ZNF544: variants seen among roughly 807,000 people sequenced by gnomAD.
The protein encoded by ZNF544 is zinc finger protein 544.
A neutral mutation model predicts 13.5 loss-of-function variants in ZNF544; 10 were observed. That is an observed-to-expected ratio of 0.74 (90% CI 0.46 to 1.25). The LOEUF is 1.25. Ranked by LOEUF, ZNF544 falls within the 50% of genes most tolerant of loss-of-function variation. The pLI, the probability that ZNF544 is intolerant of heterozygous loss-of-function variation, is 0.00. For synonymous variants in ZNF544, 323 were observed against 300.5 expected, an observed-to-expected ratio of 1.07 and a Z score of -0.77; for missense variants, 896 against 845.6, an observed-to-expected ratio of 1.06 and a Z score of -0.74.
intron 6 of ZNF544, among the ~76,000 whole-genome samples, chr19:58,253,914 C>G (rs1291340336): frequency 6.6e-6 from 1 of 151,928 alleles, no homozygotes; most frequent in Non-Finnish European, 1.5e-5. Flanking sequence ...TTTCATTTTA[C>G]CAATAATTTT....
intron 5 of ZNF544, among the ~76,000 whole-genome samples, chr19:58,270,306 T>G (rs1027870676): frequency 1.3e-5 from 2 of 150,592 alleles, no homozygotes; most frequent in Admixed American, 6.6e-5. Context: ...GGTATTGGCT[T>G]TTTTTTTCTT....
intron 5 of ZNF544, among the ~76,000 whole-genome samples, chr19:58,275,488 T>C (rs2051141753): frequency 6.6e-6 from 1 of 151,632 alleles, no homozygotes; most frequent in Admixed American, 6.6e-5. Flanking sequence ...AACTCCTACC[T>C]TATAATCAAG....
At chr19:58,241,162 A>AATATATATATATATATATTTAAATAT (rs2043605196) in intron 3 of ZNF544, among the ~76,000 whole-genome samples, 1 of 89,312 alleles carries the variant, frequency 1.1e-5, no homozygotes, top group Non-Finnish European at 2.0e-5. Context: ...TATATATTTA[A>AATATATATATATATATATTTAAATAT]ATATATATAT....
intron 3 of ZNF544, among the ~76,000 whole-genome samples, chr19:58,239,885 C>G (rs2043192930): frequency 7.1e-6 from 1 of 141,286 alleles, no homozygotes; most frequent in African/African-American, 2.7e-5. Flanking sequence ...GGCAACAGAG[C>G]AAGACTCCAT....
chr19:58,241,903 A>C (rs1382634870), intron 3 of ZNF544, among the ~76,000 whole-genome samples: 1 of 148,572 alleles, frequency 6.7e-6, no homozygotes, highest in African/African-American at 2.5e-5. Context: ...CTGTTTCAGC[A>C]CTGAATTTGC....
intron 6 of ZNF544, chr19:58,257,649 C>T (rs1473387514): frequency 6.6e-6 from 1 of 152,166 alleles, no homozygotes; most frequent in Non-Finnish European, 1.5e-5. Flanking sequence ...TTAGGGTTTT[C>T]CTTTTGATTC....
At chr19:58,231,397 T>A (rs1289282623) in intron 3 of ZNF544, among the ~76,000 whole-genome samples, 1 of 152,160 alleles carries the variant, frequency 6.6e-6, no homozygotes, top group East Asian at 1.9e-4. Context: ...TTTGTGGGGT[T>A]ACAAGGAAGA....
At chr19:58,270,716 C>T (rs1395009715) in intron 5 of ZNF544, among the ~76,000 whole-genome samples, 1 of 152,190 alleles carries the variant, frequency 6.6e-6, no homozygotes, top group East Asian at 1.9e-4. Flanking sequence ...TCAGCCCCAC[C>T]TGCAGATGTG....
intron 5 of ZNF544, 27 bp from the exon 6 acceptor site, chr19:58,246,684 G>A (rs775685944): frequency 2.5e-6 from 4 of 1,612,120 alleles, no homozygotes; most frequent in Non-Finnish European, 2.5e-6. Flanking sequence ...AAGCAGAGGG[G>A]CAAGTCCTTT....
chr19:58,237,461 T>C (rs1027223125), intron 3 of ZNF544, among the ~76,000 whole-genome samples: 4 of 152,210 alleles, frequency 2.6e-5, no homozygotes, highest in Non-Finnish European at 5.9e-5. Flanking sequence ...CCTGGCAGCC[T>C]CTGCGAGTGC....
intron 6 of ZNF544, among the ~76,000 whole-genome samples, chr19:58,253,164 C>T (rs2046590764): frequency 6.6e-6 from 1 of 152,166 alleles, no homozygotes; most frequent in African/African-American, 2.4e-5. Context: ...CAATGAACAT[C>T]AAAAACAATT....
At chr19:58,245,521 C>T (rs1443820684) in intron 4 of ZNF544, among the ~76,000 whole-genome samples, 1 of 151,420 alleles carries the variant, frequency 6.6e-6, no homozygotes, top group African/African-American at 2.4e-5. Context: ...AGGCTGGTCT[C>T]GAACTCCTGA....
rs986441230 is a variant in ZNF544, at chr19:58,261,894, C to T, written c.1288C>T (p.His430Tyr). The T allele has an allele frequency of 6.2e-7, 1 of 1,612,400 alleles. No individual in the cohort carries two copies. Among genetic ancestry groups the T allele is most frequent in the Non-Finnish European group, 8.5e-7 (1 of 1,179,736 alleles). ...RSKLITHQRI[H>Y]TGEKPYQCIE... The stretch of plus-strand genomic sequence containing the variant: ...CAAACTTATTACACATCAGCGAATT[C>T]ACACTGGAGAAAAACCGTATCAGTG... The change falls in exon 7 of 7, where the codon CAC becomes TAC. Residue 430 changes from histidine (H) to tyrosine (Y), a missense_variant. By Grantham distance (83) the His-to-Tyr change is moderately conservative (BLOSUM62 2). Coordinates refer to ENST00000687789, the MANE Select transcript of ZNF544 (RefSeq NM_014480.4).
intron 3 of ZNF544, among the ~76,000 whole-genome samples, chr19:58,230,940 C>A (rs543264550): frequency 6.6e-6 from 1 of 151,980 alleles, no homozygotes; most frequent in Admixed American, 6.6e-5. Context: ...ATTAAAAGGC[C>A]GATTTGTCTG....
intron 3 of ZNF544, among the ~76,000 whole-genome samples, chr19:58,232,405 G>A (rs1277173212): frequency 7.3e-6 from 1 of 136,742 alleles, no homozygotes; most frequent in Admixed American, 8.1e-5. Flanking sequence ...AGACTGGAGT[G>A]CAGTGATGCC....
chr19:58,242,353 T>C (rs2044071965), intron 3 of ZNF544: 3 of 889,304 alleles, frequency 3.4e-6, no homozygotes, highest in South Asian at 1.0e-4. Flanking sequence ...GCAAGATTTC[T>C]GCAATTCATG....
chr19:58,253,042 T>C (rs2046560792), intron 6 of ZNF544, among the ~76,000 whole-genome samples: 2 of 152,188 alleles, frequency 1.3e-5, no homozygotes, highest in Admixed American at 6.5e-5. Context: ...ATGGGCTCGA[T>C]TTCCTGACCT....
chr19:58,251,341 T>C (rs368981395), intron 6 of ZNF544: 31 of 518,910 alleles, frequency 6.0e-5, no homozygotes, highest in Admixed American at 1.6e-4. Flanking sequence ...ACAGGTGTAG[T>C]GGCTGATGGG....
intron 5 of ZNF544, among the ~76,000 whole-genome samples, chr19:58,270,340 T>G (rs1343719498): frequency 2.0e-5 from 3 of 151,186 alleles, no homozygotes; most frequent in African/African-American, 7.3e-5. Flanking sequence ...GAGTCTCTGT[T>G]GCCCAGTCTG....
Sources: gnomAD v4.1 joint callset for allele counts (sites outside exome capture counted in the v4.1 genomes callset) on GRCh38, gnomAD v4.1.1 for gene constraint, MANE v1.5 for transcripts, NCBI Gene and HGNC (gene_info 2026-07-23, HGNC 2026-07-21) for gene names.